Variants in CYTH3 observed in about 807,000 individuals in gnomAD.
The protein encoded by CYTH3 is cytohesin 3, also known as cytohesin-3.
CYTH3 carries 23 observed loss-of-function variants against 55.1 expected under a neutral mutation model. The observed-to-expected ratio is 0.42, with a 90% CI of 0.30 to 0.59. The LOEUF is 0.59. Among genes scored for constraint, CYTH3 ranks in the 20% least tolerant of loss-of-function variants. CYTH3 has a pLI of 0.20. For synonymous variants in CYTH3, 249 were observed against 194.9 expected (o/e 1.28, Z -2.31); for missense variants, 413 against 524.8 (o/e 0.79, Z 2.08).
intron 1 of CYTH3, among the ~76,000 whole-genome samples, chr7:6,248,227 T>TC (rs1779871608): frequency 1.2e-5 from 1 of 82,938 alleles, no homozygotes; most frequent in Non-Finnish European, 2.5e-5. Flanking sequence ...AGACCCATCC[T>TC]CCCCCAACCC....
chr7:6,179,731 A>C (rs1427292875), intron 4 of CYTH3, among the ~76,000 whole-genome samples: 5 of 96,562 alleles, frequency 5.2e-5, no homozygotes, highest in East Asian at 3.2e-4. Context: ...CCACACACAC[A>C]CACCCACCAC....
At position 6,238,824 on chromosome 7, in the gene CYTH3, T is replaced by G. The variant is rs182736758; in HGVS notation, c.34+33650A>C. Among the ~76,000 whole-genome samples the G allele has an allele frequency of 1.2e-3, 188 of 152,164 alleles. 1 individual carries two copies. Among genetic ancestry groups the G allele is most frequent in the African/African-American group, 4.4e-3 (184 of 41,478 alleles). On this transcript the variant is annotated intron_variant, in intron 1 of 12. Coordinates refer to ENST00000350796, the MANE Select transcript of CYTH3 (RefSeq NM_004227.4). ...TATATGGGAGCTCTTTATTTTCTGC[T>G]CATTCTTGCTGTGAACCTAAATCTG... is the stretch of plus-strand genomic sequence containing the variant.
At position 6,165,226 on chromosome 7, in the gene CYTH3, C is replaced by A. The variant is rs780912262; in HGVS notation, c.1127+47G>T. The A allele has an allele frequency of 5.1e-6, 8 of 1,582,004 alleles. No homozygotes were observed. The South Asian group carries it at 8.1e-5, about 16-fold the overall frequency. ...TTCCAGACCATCCCCCGCCCTCCAA[C>A]CGGCACGAGAAGACGGGCCTGGCCC... On this transcript the variant is annotated intron_variant, in intron 12 of 12. Transcript: ENST00000350796.
intron 1 of CYTH3, among the ~76,000 whole-genome samples, chr7:6,254,856 G>A (rs780688352): frequency 1.6e-4 from 25 of 152,184 alleles, no homozygotes; most frequent in Non-Finnish European, 2.5e-4. Context: ...GAATTTAGGT[G>A]AAAGACATAT....
intron 1 of CYTH3, among the ~76,000 whole-genome samples, chr7:6,254,270 T>TA (rs547220806): frequency 2.6e-4 from 39 of 148,780 alleles, no homozygotes; most frequent in Admixed American, 4.0e-4. Context: ...TAGATAGGTT[T>TA]AAAAAAAAAA....
intron 4 of CYTH3, among the ~76,000 whole-genome samples, chr7:6,182,332 G>C (rs1161170529): frequency 6.6e-6 from 1 of 152,130 alleles, no homozygotes; most frequent in East Asian, 1.9e-4. Context: ...TTACAGGCGT[G>C]AGCCACCGCA....
intron 9 of CYTH3, 151 bp from the exon 10 acceptor site, chr7:6,165,961 G>A (rs922144123): frequency 2.7e-5 from 20 of 728,662 alleles, no homozygotes; most frequent in Admixed American, 1.3e-4. Flanking sequence ...CGTTCCCACC[G>A]CAGGGCCCCA....
At chr7:6,237,666 G>A (rs1288755986) in intron 1 of CYTH3, among the ~76,000 whole-genome samples, 1 of 151,964 alleles carries the variant, frequency 6.6e-6, no homozygotes, top group Admixed American at 6.6e-5. Flanking sequence ...CCCAGATCGC[G>A]CCACTGCACT....
intron 1 of CYTH3, among the ~76,000 whole-genome samples, chr7:6,231,921 G>A (rs1779399427): frequency 6.6e-6 from 1 of 152,112 alleles, no homozygotes; most frequent in Non-Finnish European, 1.5e-5. Context: ...GCTCTCCAAC[G>A]AGCCTGATCT....
chr7:6,186,305 G>C (rs779403089), intron 4 of CYTH3, among the ~76,000 whole-genome samples: 4 of 149,208 alleles, frequency 2.7e-5, no homozygotes, highest in Non-Finnish European at 4.4e-5. Flanking sequence ...GCGTGAACCA[G>C]CTCTGCAGCG....
At chr7:6,270,561 G>T (rs921556248) in intron 1 of CYTH3, among the ~76,000 whole-genome samples, 7 of 152,116 alleles carry the variant, frequency 4.6e-5, no homozygotes, top group African/African-American at 1.7e-4. Flanking sequence ...CAATGTTTAT[G>T]TTGTTTAAAC....
chr7:6,186,956 C>T, intron 4 of CYTH3, 94 bp downstream of exon 4: 5 of 1,278,386 alleles, frequency 3.9e-6, no homozygotes, highest in Non-Finnish European at 5.7e-6. Flanking sequence ...GGTGACAGGG[C>T]GGACCACCTC....
intron 1 of CYTH3, among the ~76,000 whole-genome samples, chr7:6,196,919 T>C (rs1261282215): frequency 3.9e-5 from 6 of 152,176 alleles, no homozygotes; most frequent in African/African-American, 7.2e-5. Flanking sequence ...TGTGCAGATA[T>C]AGAAAAATAA....
intron 1 of CYTH3, among the ~76,000 whole-genome samples, chr7:6,218,929 C>T (rs1019782369): frequency 4.7e-5 from 7 of 148,208 alleles, no homozygotes; most frequent in African/African-American, 1.5e-4. Context: ...CGCTTGAACC[C>T]GGGAGGCGGA....
intron 1 of CYTH3, among the ~76,000 whole-genome samples, chr7:6,248,606 C>A (rs987248028): frequency 6.6e-6 from 1 of 152,210 alleles, no homozygotes; most frequent in African/African-American, 2.4e-5. Context: ...GTCCTCTGGC[C>A]TCCCAGTTCA....
At chr7:6,203,939 G>C (rs952783833) in intron 1 of CYTH3, among the ~76,000 whole-genome samples, 5 of 151,696 alleles carry the variant, frequency 3.3e-5, no homozygotes, top group African/African-American at 4.8e-5. Flanking sequence ...GGATGGTCTT[G>C]ATCTCCTGAC....
At chr7:6,196,479 G>A (rs1425484918) in intron 1 of CYTH3, among the ~76,000 whole-genome samples, 1 of 94,278 alleles carries the variant, frequency 1.1e-5, no homozygotes, top group Non-Finnish European at 2.0e-5. Context: ...TTTTTTTTGA[G>A]ACGGAATTTC....
At chr7:6,272,119 G>A (rs1355716095) in intron 1 of CYTH3, among the ~76,000 whole-genome samples, 1 of 152,184 alleles carries the variant, frequency 6.6e-6, no homozygotes, top group Non-Finnish European at 1.5e-5. Context: ...GGGCATGAAC[G>A]CCCTTGGCGA....
At chr7:6,214,264 T>G (rs946926894) in intron 1 of CYTH3, among the ~76,000 whole-genome samples, 1 of 152,176 alleles carries the variant, frequency 6.6e-6, no homozygotes, top group Non-Finnish European at 1.5e-5. Flanking sequence ...TGTATAGCCT[T>G]TCAACGTTTT....
Sources: gnomAD v4.1 joint callset for allele counts (sites outside exome capture counted in the v4.1 genomes callset) on GRCh38, gnomAD v4.1.1 for gene constraint, MANE v1.5 for transcripts, NCBI Gene and HGNC (gene_info 2026-07-23, HGNC 2026-07-21) for gene names.